Variants in CALCR observed in about 807,000 individuals in gnomAD.
CALCR encodes calcitonin receptor.
CALCR carries 47 observed loss-of-function variants against 59.5 expected under a neutral mutation model. The ratio of observed to expected loss-of-function variants is 0.79; its 90% CI spans 0.63 to 1.01. CALCR has a LOEUF of 1.01. Ranked by LOEUF, CALCR falls within the 50% of genes least tolerant of loss-of-function variation. CALCR has a pLI of 0.00. For missense variants in CALCR, 566 were observed against 597.1 expected (o/e 0.95, Z 0.54); for synonymous variants, 213 against 211.3 (o/e 1.01, Z -0.07).
chr7:93,572,347 A>G (rs1277608917), intron 2 of CALCR, among the ~76,000 whole-genome samples: 1 of 152,130 alleles, frequency 6.6e-6, no homozygotes, highest in African/African-American at 2.4e-5. Context: ...AGTGGCTCTC[A>G]ATCCTGGTTG....
chr7:93,477,469 G>C, intron 5 of CALCR, 89 bp downstream of exon 5: 1 of 795,744 alleles, frequency 1.3e-6, no homozygotes, highest in Non-Finnish European at 2.1e-6. Flanking sequence ...TGATTAGGTG[G>C]GTACATTTTG....
rs1183063795 is a variant in CALCR at position 93,426,509 on chromosome 7, G to A, written c.1272C>T (p.Arg424=). The A allele has an allele frequency of 1.2e-6, 2 of 1,613,900 alleles. No homozygotes were observed. The highest frequency in any genetic ancestry group is 1.7e-6 in the Non-Finnish European group (2 of 1,179,796). The change falls in exon 14 of 14, where the codon CGC becomes CGT. Residue 424 remains arginine, a synonymous_variant. Coordinates refer to ENST00000426151, the MANE Select transcript of CALCR (RefSeq NM_001742.4). ...CAGCAGCGGCTGCAGCGCGAGCAGAGCGGTTGGAGGGGCGCCTCCCCCAAC... is the reference window on the plus strand; with the variant it reads ...CAGCAGCGGCTGCAGCGCGAGCAGAACGGTTGGAGGGGCGCCTCCCCCAAC... ...NQRWGRRPSN[R]SARAAAAAAE...
chr7:93,489,081 A>C (rs1489401526), intron 2 of CALCR, among the ~76,000 whole-genome samples: 1 of 152,004 alleles, frequency 6.6e-6, no homozygotes, highest in South Asian at 2.1e-4. Flanking sequence ...ACCACAATGC[A>C]ATCAAATTAG....
intron 2 of CALCR, among the ~76,000 whole-genome samples, chr7:93,554,192 G>T (rs1276667734): frequency 6.6e-6 from 1 of 152,068 alleles, no homozygotes; most frequent in East Asian, 1.9e-4. Flanking sequence ...TTTTATATGA[G>T]AAGTTGTACA....
intron 2 of CALCR, among the ~76,000 whole-genome samples, chr7:93,546,384 A>T (rs1293856055): frequency 6.6e-6 from 1 of 152,140 alleles, no homozygotes; most frequent in Non-Finnish European, 1.5e-5. Flanking sequence ...AGACGCTATT[A>T]TTATGATCCT....
chr7:93,525,325 A>C (rs1801854497), intron 2 of CALCR, among the ~76,000 whole-genome samples: 2 of 152,298 alleles, frequency 1.3e-5, no homozygotes, highest in South Asian at 4.1e-4. Context: ...TTTTTTTGAC[A>C]GAGTCTGGCT....
At chr7:93,464,473 G>T (rs759604569) in intron 7 of CALCR, among the ~76,000 whole-genome samples, 7 of 151,754 alleles carry the variant, frequency 4.6e-5, no homozygotes, top group South Asian at 2.1e-4. Context: ...CTAGGATCAC[G>T]TGTTATTCAT....
chr7:93,524,135 G>A (rs1009496173), intron 2 of CALCR, among the ~76,000 whole-genome samples: 2 of 150,478 alleles, frequency 1.3e-5, no homozygotes, highest in Admixed American at 1.3e-4. Context: ...ACCCCCAAAT[G>A]CCCTTAATTT....
Position 93,425,167 on chromosome 7 carries a change from T to C in CALCR, c.*1189A>G, listed in dbSNP as rs894285559. ...GGAAGTAAAGAGAGATATGATAATATAATACTGGATTTTAATGAGAAACGT... is the reference window on the plus strand; with the variant it reads ...GGAAGTAAAGAGAGATATGATAATACAATACTGGATTTTAATGAGAAACGT... On this transcript the variant is annotated 3_prime_UTR_variant, in exon 14 of 14. Transcript: ENST00000426151. The C allele has an allele frequency of 6.6e-6, 1 of 152,608 alleles. No individual in the cohort carries two copies. Among genetic ancestry groups the C allele is most frequent in the Non-Finnish European group, 1.5e-5 (1 of 68,004 alleles). 9.5% of individuals were successfully genotyped at this position (152,608 alleles called of 1,614,324 possible). A position where few individuals can be genotyped will look rare whatever the true frequency, so the allele number is the denominator to read the frequency against.
chr7:93,436,703 C>T (rs961620107), intron 11 of CALCR, among the ~76,000 whole-genome samples: 1 of 152,136 alleles, frequency 6.6e-6, no homozygotes. Context: ...ATCTGAAGCT[C>T]ATGAAGATAC....
At chr7:93,468,092 C>T (rs909126123) in intron 7 of CALCR, among the ~76,000 whole-genome samples, 2 of 151,620 alleles carry the variant, frequency 1.3e-5, no homozygotes, top group South Asian at 2.1e-4. Flanking sequence ...TTAAATGTAC[C>T]ATTCCTGTAA....
rs763740748 is a variant in CALCR at position 93,426,457 on chromosome 7, T to C, written c.1324A>G (p.Ile442Val). ...AAEAGDIPIYICHQELRNEPA... is the reference protein window; with the variant it reads ...AAEAGDIPIYVCHQELRNEPA... ...TCATTCCTCAGCTCCTGATGGCAGA[T>C]GTAAATTGGGATGTCGCCAGCCTCC... Residue 442 changes from isoleucine to valine, a missense_variant, in exon 14 of 14, where the codon ATC becomes GTC. Coordinates refer to ENST00000426151, the MANE Select transcript of CALCR (RefSeq NM_001742.4). 1 of 1,613,958 alleles carries C rather than the reference T, an allele frequency of 6.2e-7. No homozygotes were observed. The highest frequency in any genetic ancestry group is 8.5e-7 in the Non-Finnish European group (1 of 1,179,840).
intron 2 of CALCR, among the ~76,000 whole-genome samples, chr7:93,548,875 T>TGC (rs1464304010): frequency 1.3e-5 from 1 of 78,842 alleles, no homozygotes; most frequent in Non-Finnish European, 3.9e-5. Flanking sequence ...TGTGTGTGTG[T>TGC]GTGTCTGTGT....
In CALCR at chr7:93,424,826, A is replaced by C. The variant is rs563875008; in HGVS notation, c.*1530T>G. On this transcript the variant is annotated 3_prime_UTR_variant, in exon 14 of 14. Transcript: ENST00000426151. The stretch of plus-strand genomic sequence containing the variant: ...TCTTTTCGATCCCCCCCTTACATTC[A>C]GTAAAGGAGACTTAAACTACTTTAG... 13 of 152,708 alleles carry C rather than the reference A, an allele frequency of 8.5e-5. No homozygotes were observed. In the East Asian group the frequency reaches 1.5e-3, roughly 18 times the overall value. 9.5% of individuals were successfully genotyped at this position (152,708 alleles called of 1,614,324 possible).
At chr7:93,491,631 A>G (rs1801079024) in intron 2 of CALCR, among the ~76,000 whole-genome samples, 2 of 151,976 alleles carry the variant, frequency 1.3e-5, no homozygotes, top group Admixed American at 6.6e-5. Context: ...ACATTTACAC[A>G]GCCAACAAAC....
intron 2 of CALCR, among the ~76,000 whole-genome samples, chr7:93,564,454 C>G (rs933565094): frequency 2.6e-5 from 4 of 151,632 alleles, no homozygotes; most frequent in African/African-American, 4.8e-5. Flanking sequence ...ATTGATACTA[C>G]ACTTTTAAAA....
chr7:93,531,002 T>G (rs1788819143), intron 2 of CALCR, among the ~76,000 whole-genome samples: 5 of 152,152 alleles, frequency 3.3e-5, no homozygotes, highest in Admixed American at 3.3e-4. Flanking sequence ...TCCAGATGAT[T>G]CCCATGTAAA....
chr7:93,497,516 G>T (rs1801233872), intron 2 of CALCR, among the ~76,000 whole-genome samples: 2 of 151,532 alleles, frequency 1.3e-5, no homozygotes, highest in Non-Finnish European at 3.0e-5. Flanking sequence ...TAGGAGATTA[G>T]GTTAGTTTCC....
At chr7:93,550,410 C>T (rs6954756) in intron 2 of CALCR, among the ~76,000 whole-genome samples, 18,373 of 147,736 alleles carry the variant, frequency 0.12, 1,970 homozygotes, top group East Asian at 0.36. Context: ...ATCACTTGAA[C>T]CCGGGAGGCG....
Sources: gnomAD v4.1 joint callset for allele counts (sites outside exome capture counted in the v4.1 genomes callset) on GRCh38, gnomAD v4.1.1 for gene constraint, MANE v1.5 for transcripts, NCBI Gene and HGNC (gene_info 2026-07-23, HGNC 2026-07-21) for gene names.